DIAPH2: variants seen among roughly 807,000 people sequenced by gnomAD.
DIAPH2 encodes the protein protein diaphanous homolog 2.
In DIAPH2, 35 loss-of-function variants were observed where a neutral mutation model predicts 92.7. That is an observed-to-expected ratio of 0.38 (90% CI 0.29 to 0.50). DIAPH2 has a LOEUF of 0.50. Among genes scored for constraint, DIAPH2 ranks in the 20% least tolerant of loss-of-function variants. The probability of loss-of-function intolerance (pLI) is 0.94; values close to 1 mark genes in which losing one functional copy is unlikely to be tolerated. For missense variants in DIAPH2, 701 were observed against 819.5 expected, an observed-to-expected ratio of 0.86 and a Z score of 1.77; for synonymous variants, 301 against 280.4, an observed-to-expected ratio of 1.07 and a Z score of -0.73.
chrX:96,907,984 T>C (rs1051763061), intron 5 of DIAPH2, among the ~76,000 whole-genome samples: 1 of 111,914 alleles, frequency 8.9e-6, no homozygotes, highest in Admixed American at 9.5e-5. Flanking sequence ...ATCATAGTAT[T>C]CATGCTAAGT....
chrX:97,117,785 C>T (rs1208446620), intron 21 of DIAPH2, among the ~76,000 whole-genome samples: 1 of 111,800 alleles, frequency 8.9e-6, no homozygotes, highest in Non-Finnish European at 1.9e-5. Flanking sequence ...CTACCTTCAC[C>T]ACAAAATGCT....
chrX:97,519,773 C>G (rs991502363), intron 26 of DIAPH2, among the ~76,000 whole-genome samples: 5 of 110,054 alleles, frequency 4.5e-5, no homozygotes, highest in Admixed American at 1.9e-4. Context: ...ACTCTGTCAC[C>G]CAGGCTGGAG....
chrX:97,099,259 G>T, intron 19 of DIAPH2, among the ~76,000 whole-genome samples: 1 of 110,335 alleles, frequency 9.1e-6, no homozygotes, highest in East Asian at 2.9e-4. Context: ...CCAGCTACTC[G>T]TGAGGCTGAG....
At chrX:97,060,052 C>T (rs1474442038) in intron 17 of DIAPH2, among the ~76,000 whole-genome samples, 1 of 112,615 alleles carries the variant, frequency 8.9e-6, no homozygotes, top group Non-Finnish European at 1.9e-5. Flanking sequence ...GATTTTATTA[C>T]AACACTTTTG....
At chrX:97,263,507 C>T (rs773755408) in intron 23 of DIAPH2, among the ~76,000 whole-genome samples, 2 of 111,542 alleles carry the variant, frequency 1.8e-5, no homozygotes, top group East Asian at 5.6e-4. Flanking sequence ...GGCACTATAA[C>T]TATACATTCT....
chrX:96,968,315 T>C (rs2065906470), intron 17 of DIAPH2, among the ~76,000 whole-genome samples: 1 of 110,948 alleles, frequency 9.0e-6, no homozygotes, highest in Admixed American at 9.6e-5. Context: ...GCCTCCTGGG[T>C]TCAAGTGATT....
At chrX:97,073,138 A>G (rs1307553605) in intron 18 of DIAPH2, 96 bp downstream of exon 18, 12 of 560,832 alleles carry the variant, frequency 2.1e-5, no homozygotes, top group Non-Finnish European at 3.1e-5. Flanking sequence ...CTTTTTAAAC[A>G]GGCATATTTA....
chrX:97,356,202 A>G (rs189620864), intron 24 of DIAPH2, among the ~76,000 whole-genome samples: 1 of 111,469 alleles, frequency 9.0e-6, no homozygotes, highest in East Asian at 2.8e-4. Context: ...AACTGTTTCA[A>G]CTCCTAGAGA....
chrX:97,425,317 G>A (rs1478842735), intron 25 of DIAPH2, among the ~76,000 whole-genome samples: 1 of 111,861 alleles, frequency 8.9e-6, no homozygotes, highest in East Asian at 2.8e-4. Context: ...AGTTGGACAA[G>A]AGGAATAAGC....
At chrX:97,245,111 AG>A in intron 22 of DIAPH2, among the ~76,000 whole-genome samples, 1 of 85,263 alleles carries the variant, frequency 1.2e-5, no homozygotes, top group Non-Finnish European at 2.4e-5. Flanking sequence ...AAGCCACATG[AG>A]TTTTTGTTTG....
At chrX:97,490,547 A>G (rs1449254589) in intron 26 of DIAPH2, among the ~76,000 whole-genome samples, 1 of 108,432 alleles carries the variant, frequency 9.2e-6, no homozygotes. Context: ...TTTTATCACC[A>G]TAAATATCCC....
At chrX:97,515,158 C>T (rs201068242) in intron 26 of DIAPH2, among the ~76,000 whole-genome samples, 1 of 112,299 alleles carries the variant, frequency 8.9e-6, no homozygotes, top group African/African-American at 3.2e-5. Flanking sequence ...TAGCAATCAG[C>T]GAGATTCCGT....
intron 4 of DIAPH2, among the ~76,000 whole-genome samples, chrX:96,778,355 C>A (rs1386025259): frequency 7.2e-5 from 8 of 110,825 alleles, no homozygotes; most frequent in Non-Finnish European, 1.5e-4. Flanking sequence ...ACCTTTCACC[C>A]ATATTTTAAA....
intron 23 of DIAPH2, among the ~76,000 whole-genome samples, chrX:97,300,289 ACT>A (rs1569355536): frequency 8.9e-6 from 1 of 111,772 alleles, no homozygotes; most frequent in Non-Finnish European, 1.9e-5. Flanking sequence ...AAACTACGTA[ACT>A]CTCTATGTGA....
At chrX:97,554,000 A>G (rs1243579324) in intron 26 of DIAPH2, among the ~76,000 whole-genome samples, 1 of 111,896 alleles carries the variant, frequency 8.9e-6, no homozygotes, top group East Asian at 2.8e-4. Flanking sequence ...ATGTATGTGC[A>G]TATATTAATA....
chrX:96,711,743 T>A (rs1226857931), intron 1 of DIAPH2, among the ~76,000 whole-genome samples: 1 of 111,210 alleles, frequency 9.0e-6, no homozygotes, highest in Non-Finnish European at 1.9e-5. Flanking sequence ...AAGACAACTT[T>A]TTTTTTTACT....
intron 26 of DIAPH2, among the ~76,000 whole-genome samples, chrX:97,575,272 G>T (rs778671687): frequency 8.9e-6 from 1 of 112,812 alleles, no homozygotes; most frequent in East Asian, 2.8e-4. Context: ...ATATGGCCCA[G>T]GCCTCTCTCC....
intron 22 of DIAPH2, among the ~76,000 whole-genome samples, chrX:97,143,289 G>A (rs1005607211): frequency 9.2e-6 from 1 of 108,644 alleles, no homozygotes; most frequent in African/African-American, 3.3e-5. Context: ...AATTTGAAAT[G>A]TATATATATA....
intron 23 of DIAPH2, among the ~76,000 whole-genome samples, chrX:97,301,810 G>C (rs1032046701): frequency 2.7e-5 from 3 of 111,623 alleles, no homozygotes; most frequent in Non-Finnish European, 5.6e-5. Flanking sequence ...AGGCGTTTGA[G>C]TAGCATAGCA....
Sources: gnomAD v4.1 joint callset for allele counts (sites outside exome capture counted in the v4.1 genomes callset) on GRCh38, gnomAD v4.1.1 for gene constraint, MANE v1.5 for transcripts, NCBI Gene and HGNC (gene_info 2026-07-23, HGNC 2026-07-21) for gene names.